ZC3HAV1: variants seen among roughly 807,000 people sequenced by gnomAD.
ZC3HAV1 encodes the protein zinc finger CCCH-type containing, antiviral 1.
Under a neutral mutation model 86.6 loss-of-function variants are expected in ZC3HAV1, and 41 were observed. The observed-to-expected ratio is 0.47, with a 90% CI of 0.37 to 0.61. ZC3HAV1 has a LOEUF of 0.61. Among genes scored for constraint, ZC3HAV1 ranks in the 20% least tolerant of loss-of-function variants. ZC3HAV1 has a pLI of 0.00. For synonymous variants in ZC3HAV1, 421 were observed against 432.1 expected (o/e 0.97, Z 0.32); for missense variants, 964 against 1,141.1 (o/e 0.84, Z 2.24).
chr7:139,083,866 T>C lies in ZC3HAV1; in HGVS notation c.611A>G (p.Glu204Gly), dbSNP rs1817201153. 6.2e-7 allele frequency: 1 copy of C among 1,614,012 alleles called. No individual in the cohort carries two copies. The highest frequency in any genetic ancestry group is 1.3e-5 in the African/African-American group (1 of 74,924). ...MDRKVLAIMR[E>G]HGLNPDVVQN... is the part of the protein sequence containing the mutation. ...GACCACGTCGGGGTTCAGCCCGTGC[T>C]CCCTCATGATGGCCAGCACCTTTCT... Residue 204 changes from glutamate to glycine, a missense_variant, in exon 3 of 13, where the codon GAG becomes GGG. Physicochemically the swap from Glu to Gly is moderately conservative, Grantham distance 98. Transcript: ENST00000242351.
intron 1 of ZC3HAV1, among the ~76,000 whole-genome samples, chr7:139,095,432 A>G (rs954322025): frequency 6.6e-6 from 1 of 152,210 alleles, no homozygotes; most frequent in Non-Finnish European, 1.5e-5. Context: ...TGGAGCCGAA[A>G]AAAATGAGCT....
At chr7:139,087,447 CAG>C (rs58929440) in intron 2 of ZC3HAV1, among the ~76,000 whole-genome samples, 327 of 137,450 alleles carry the variant, frequency 2.4e-3, no homozygotes, top group Middle Eastern at 4.2e-3. Flanking sequence ...GAGACAGAGA[CAG>C]AGAGAGAGAG....
chr7:139,095,215 C>G (rs1817549503), intron 1 of ZC3HAV1, among the ~76,000 whole-genome samples: 1 of 152,252 alleles, frequency 6.6e-6, no homozygotes, highest in Middle Eastern at 3.4e-3. Flanking sequence ...TCAGTCAAAA[C>G]CAACCCTAAC....
intron 1 of ZC3HAV1, among the ~76,000 whole-genome samples, chr7:139,097,413 TATATATATATATATA>T (rs1271198159): frequency 1.1e-3 from 85 of 80,168 alleles, no homozygotes; most frequent in Middle Eastern, 4.9e-3. Flanking sequence ...TATATATATA[TATATATATATATATA>T]TTTTTTTTTT....
At chr7:139,066,094 G>A (rs1388228117) in intron 7 of ZC3HAV1, among the ~76,000 whole-genome samples, 1 of 152,132 alleles carries the variant, frequency 6.6e-6, no homozygotes, top group African/African-American at 2.4e-5. Flanking sequence ...CAGGGTGGGC[G>A]ATCAGGGCAC....
intron 5 of ZC3HAV1, 69 bp downstream of exon 5, chr7:139,078,483 T>C (rs563465886): frequency 1.7e-6 from 2 of 1,175,324 alleles, no homozygotes; most frequent in African/African-American, 3.2e-5. Flanking sequence ...TGCACACCCA[T>C]GTTCATAGCA....
intron 7 of ZC3HAV1, among the ~76,000 whole-genome samples, chr7:139,065,305 C>T (rs1816566023): frequency 6.6e-6 from 1 of 152,190 alleles, no homozygotes; most frequent in African/African-American, 2.4e-5. Flanking sequence ...TACAGAGCAA[C>T]TTGCATCCCC....
At chr7:139,070,663 C>CAAAA (rs765065216) in intron 7 of ZC3HAV1, among the ~76,000 whole-genome samples, 1,020 of 54,224 alleles carry the variant, frequency 0.019, 32 homozygotes, top group East Asian at 0.09. Context: ...GACTCCGTCT[C>CAAAA]AAAAAAAAAA....
chr7:139,092,229 G>A (rs1311973654), intron 1 of ZC3HAV1, among the ~76,000 whole-genome samples: 1 of 152,156 alleles, frequency 6.6e-6, no homozygotes, highest in Non-Finnish European at 1.5e-5. Flanking sequence ...TCAGTTAATT[G>A]CATTCTTGGA....
At chr7:139,049,868 A>C (rs1028282074) in intron 12 of ZC3HAV1, 1 of 153,300 alleles carries the variant, frequency 6.5e-6, no homozygotes, top group Admixed American at 6.5e-5. Flanking sequence ...TCTTTCAGAC[A>C]TTTGCTGGCT....
intron 6 of ZC3HAV1, 44 bp from the exon 7 acceptor site, chr7:139,074,074 C>A (rs766183150): frequency 6.4e-7 from 1 of 1,560,540 alleles, no homozygotes; most frequent in Non-Finnish European, 8.7e-7. Flanking sequence ...TTCATTGACC[C>A]CTGTTTTCTA....
intron 1 of ZC3HAV1, among the ~76,000 whole-genome samples, chr7:139,106,184 G>T (rs1420380741): frequency 6.6e-6 from 1 of 152,100 alleles, no homozygotes; most frequent in Non-Finnish European, 1.5e-5. Context: ...CAATTAACGA[G>T]TTTAAAACAG....
At chr7:139,067,525 C>T (rs1816639904) in intron 7 of ZC3HAV1, among the ~76,000 whole-genome samples, 1 of 152,014 alleles carries the variant, frequency 6.6e-6, no homozygotes, top group Non-Finnish European at 1.5e-5. Context: ...CATAAGACCA[C>T]AACAGGAATG....
Position 139,079,867 on chromosome 7 carries a change from G to C in ZC3HAV1, c.1074C>G (p.Asn358Lys), listed in dbSNP as rs372280660. The C allele has an allele frequency of 6.2e-7, 1 of 1,614,190 alleles. No homozygotes were observed. Among genetic ancestry groups the C allele is most frequent in the Non-Finnish European group, 8.5e-7 (1 of 1,180,044 alleles). Residue 358 changes from asparagine (N) to lysine (K), a missense_variant, in exon 4 of 13, where the codon AAC becomes AAG. By Grantham distance (94) the Asn-to-Lys change is moderately conservative. Transcript: ENST00000242351. ...TCGTCCAGGATGTGAGGCTCTTCCA[G>C]TTGGGGGCTGATGTTGAATTGGAAG... The part of the protein sequence containing the change: ...YLASNSTSAP[N>K]WKSLTSWTND...
intron 3 of ZC3HAV1, among the ~76,000 whole-genome samples, chr7:139,082,411 G>A (rs1817152345): frequency 6.6e-6 from 1 of 151,636 alleles, no homozygotes; most frequent in African/African-American, 2.4e-5. Context: ...ATGAAAAATG[G>A]CACAGCTGCT....
intron 1 of ZC3HAV1, among the ~76,000 whole-genome samples, chr7:139,090,712 T>C (rs1197480291): frequency 1.3e-5 from 2 of 152,238 alleles, no homozygotes; most frequent in Non-Finnish European, 2.9e-5. Flanking sequence ...GATGAATTTT[T>C]GAAAATGTAA....
chr7:139,066,711 G>A (rs1435043456), intron 7 of ZC3HAV1, among the ~76,000 whole-genome samples: 1 of 152,196 alleles, frequency 6.6e-6, no homozygotes, highest in Admixed American at 6.5e-5. Flanking sequence ...CCTCTGGCAT[G>A]ATGTGGGGCG....
chr7:139,055,132 C>T (rs1816245773), intron 10 of ZC3HAV1, 73 bp downstream of exon 10: 1 of 1,350,198 alleles, frequency 7.4e-7, no homozygotes, highest in Non-Finnish European at 1.0e-6. Context: ...TCCAGACAAA[C>T]ACATACACTT....
Position 139,108,483 on chromosome 7 carries a change from C to T in ZC3HAV1, c.308+541G>A. Among the ~76,000 whole-genome samples, 1 of 151,984 alleles carries T rather than the reference C, an allele frequency of 6.6e-6. No individual in the cohort carries two copies. The highest frequency in any genetic ancestry group is 1.9e-4 in the East Asian group (1 of 5,156). On this transcript the variant is annotated intron_variant, in intron 1 of 12. Transcript: ENST00000242351. The surrounding 1 kb of genome is among the most constrained non-coding windows in gnomAD (Gnocchi z 4.2). Reference sequence around the variant, plus strand: ...TGCTACGCGCCAGGCATCAGAAAAGCGGTGATGAGGGGCATGGGGGTGACC... The same window carrying T: ...TGCTACGCGCCAGGCATCAGAAAAGTGGTGATGAGGGGCATGGGGGTGACC...
Sources: gnomAD v4.1 joint callset for allele counts (sites outside exome capture counted in the v4.1 genomes callset) on GRCh38, gnomAD v4.1.1 for gene constraint, Gnocchi (gnomAD v3.1) non-coding constraint, MANE v1.5 for transcripts, NCBI Gene and HGNC (gene_info 2026-07-23, HGNC 2026-07-21) for gene names.